TMEM150C: variants seen among roughly 807,000 people sequenced by gnomAD.
The protein encoded by TMEM150C is transmembrane protein 150C.
TMEM150C carries 10 observed loss-of-function variants against 29.9 expected under a neutral mutation model. The observed-to-expected ratio is 0.33, with a 90% CI of 0.21 to 0.57. The LOEUF is 0.57. TMEM150C is among the 20% of genes least tolerant of loss of function. TMEM150C has a pLI of 0.88. For missense variants in TMEM150C, 251 were observed against 303.6 expected, an observed-to-expected ratio of 0.83 and a Z score of 1.29; for synonymous variants, 101 against 112.5, an observed-to-expected ratio of 0.90 and a Z score of 0.64.
chr4:82,506,085 T>G (rs144891578), intron 1 of TMEM150C, among the ~76,000 whole-genome samples: 72 of 150,334 alleles, frequency 4.8e-4, no homozygotes, highest in African/African-American at 1.6e-3. Context: ...AAGTTGTTGT[T>G]TTTTTTTTAC....
chr4:82,554,540 T>C (rs979265052), intron 1 of TMEM150C, among the ~76,000 whole-genome samples: 1 of 152,202 alleles, frequency 6.6e-6, no homozygotes, highest in Non-Finnish European at 1.5e-5. Flanking sequence ...AACTTCTAAT[T>C]ATTGCCATTT....
chr4:82,522,776 G>A (rs978225273), intron 1 of TMEM150C, among the ~76,000 whole-genome samples: 1 of 152,122 alleles, frequency 6.6e-6, no homozygotes. Flanking sequence ...AGCTGGGTGG[G>A]GGGCTGTGGA....
Position 82,490,171 on chromosome 4 carries a change from C to A in TMEM150C, c.431G>T (p.Cys144Phe). ...GAGTGTCAGCGCAGCCTGGATCCAGCAGGTCAATGTGCCAAATCCAAAGGT... is the reference window on the plus strand; with the variant it reads ...GAGTGTCAGCGCAGCCTGGATCCAGAAGGTCAATGTGCCAAATCCAAAGGT... The part of the protein sequence containing the change: ...SLTFGFGTLT[C>F]WIQAALTLKV... The change falls in exon 7 of 8, where the codon TGC becomes TTC. Residue 144 changes from cysteine to phenylalanine, a missense_variant. Coordinates refer to ENST00000449862, the MANE Select transcript of TMEM150C (RefSeq NM_001080506.3). 1 of 1,614,000 alleles carries A rather than the reference C, an allele frequency of 6.2e-7. No individual in the cohort carries two copies. Among genetic ancestry groups the A allele is most frequent in the African/African-American group, 1.3e-5 (1 of 75,052 alleles).
At chr4:82,501,381 A>T (rs1723731972) in intron 5 of TMEM150C, among the ~76,000 whole-genome samples, 1 of 152,134 alleles carries the variant, frequency 6.6e-6, no homozygotes, top group Non-Finnish European at 1.5e-5. Context: ...CATAAAGAGG[A>T]GAGCTTTTTT....
At chr4:82,530,547 ACT>A (rs1724810146) in intron 1 of TMEM150C, among the ~76,000 whole-genome samples, 2 of 152,014 alleles carry the variant, frequency 1.3e-5, no homozygotes. Context: ...ACAAAGCGAG[ACT>A]CTGTCTCAAA....
chr4:82,488,805 G>A (rs1314416069), intron 7 of TMEM150C, among the ~76,000 whole-genome samples: 1 of 152,066 alleles, frequency 6.6e-6, no homozygotes, highest in African/African-American at 2.4e-5. Flanking sequence ...TTTTTATAGA[G>A]ACCAGGTTTT....
chr4:82,519,813 TA>T (rs1330083033), intron 1 of TMEM150C, among the ~76,000 whole-genome samples: 2 of 152,088 alleles, frequency 1.3e-5, no homozygotes, highest in African/African-American at 4.8e-5. Flanking sequence ...AATAATAAAA[TA>T]AAAAAATAGA....
chr4:82,512,449 C>T (rs940188548), intron 1 of TMEM150C, among the ~76,000 whole-genome samples: 2 of 152,212 alleles, frequency 1.3e-5, no homozygotes, highest in Admixed American at 6.5e-5. Flanking sequence ...CCAAAATCCA[C>T]TCTGTCTCCT....
chr4:82,540,114 C>CTTTTTTTTTTTT (rs577728662), intron 1 of TMEM150C, among the ~76,000 whole-genome samples: 6 of 47,252 alleles, frequency 1.3e-4, no homozygotes, highest in Non-Finnish European at 2.1e-4. Flanking sequence ...TCTACCTATT[C>CTTTTTTTTTTTT]TTTTTTTTTT....
chr4:82,521,977 C>T (rs1724502506), intron 1 of TMEM150C, among the ~76,000 whole-genome samples: 1 of 152,050 alleles, frequency 6.6e-6, no homozygotes, highest in Admixed American at 6.6e-5. Flanking sequence ...GTGGGAGAAT[C>T]GCTTGAACCT....
intron 7 of TMEM150C, among the ~76,000 whole-genome samples, chr4:82,486,788 A>G (rs1362075760): frequency 6.6e-6 from 1 of 151,992 alleles, no homozygotes; most frequent in African/African-American, 2.4e-5. Flanking sequence ...GCCTGGATAT[A>G]TATATGGAGT....
At chr4:82,527,348 T>A (rs1426137099) in intron 1 of TMEM150C, among the ~76,000 whole-genome samples, 1 of 152,180 alleles carries the variant, frequency 6.6e-6, no homozygotes, top group African/African-American at 2.4e-5. Context: ...GGGCAGGTGC[T>A]TTCACAGCTC....
intron 5 of TMEM150C, among the ~76,000 whole-genome samples, chr4:82,496,917 A>C (rs985843721): frequency 7.9e-5 from 12 of 152,244 alleles, no homozygotes; most frequent in Non-Finnish European, 1.5e-4. Context: ...TGAAATCTGT[A>C]TTTTAACATA....
chr4:82,538,316 C>T (rs1725078746), intron 1 of TMEM150C, among the ~76,000 whole-genome samples: 1 of 152,086 alleles, frequency 6.6e-6, no homozygotes, highest in Non-Finnish European at 1.5e-5. Context: ...TCTCAGTCTC[C>T]CAAAGTGCTG....
chr4:82,483,715 A>G lies in TMEM150C; in HGVS notation c.*1796T>C, dbSNP rs779827160. The G allele has an allele frequency of 2.6e-5, 4 of 152,206 alleles. No homozygotes were observed. The highest frequency in any genetic ancestry group is 5.9e-5 in the Non-Finnish European group (4 of 68,030). The allele number at this position is 152,206 out of a possible 1,614,324, so 9.4% of individuals were successfully genotyped here. A position where few individuals can be genotyped will look rare whatever the true frequency, so the allele number is the denominator to read the frequency against. ...GGCACTGTGTTAAGAGGTGGGGAACAATACAGAGATGAAAAGACATTGACC... is the reference window on the plus strand; with the variant it reads ...GGCACTGTGTTAAGAGGTGGGGAACGATACAGAGATGAAAAGACATTGACC... On this transcript the variant is annotated 3_prime_UTR_variant, in exon 8 of 8. Coordinates refer to ENST00000449862, the MANE Select transcript of TMEM150C (RefSeq NM_001080506.3).
intron 1 of TMEM150C, among the ~76,000 whole-genome samples, chr4:82,521,433 G>A (rs1168126742): frequency 6.6e-6 from 1 of 152,204 alleles, no homozygotes; most frequent in Non-Finnish European, 1.5e-5. Flanking sequence ...AAAAGCAGAA[G>A]CCTTGGCTAA....
In TMEM150C at chr4:82,502,636, G is replaced by GC. The variant is rs1031623496; in HGVS notation, c.235+90dup. 21 of 1,248,550 alleles carry GC rather than the reference G, an allele frequency of 1.7e-5. No homozygotes were observed. In the Middle Eastern group the frequency reaches 5.7e-4, roughly 34 times the overall value. 77.3% of individuals were successfully genotyped at this position (1,248,550 alleles called of 1,614,324 possible). A position where few individuals can be genotyped will look rare whatever the true frequency, so the allele number is the denominator to read the frequency against. ...CGTATGATACTAAATGATCAAATAAGCCCCCCATTGTTTTGACAAGGGTTT... is the reference window on the plus strand; with the variant it reads ...CGTATGATACTAAATGATCAAATAAGCCCCCCCATTGTTTTGACAAGGGTTT... On this transcript the variant is annotated intron_variant, in intron 5 of 7. Transcript: ENST00000449862.
At chr4:82,515,715 C>A (rs11723534) in intron 1 of TMEM150C, among the ~76,000 whole-genome samples, 1 of 149,330 alleles carries the variant, frequency 6.7e-6, no homozygotes, top group Non-Finnish European at 1.5e-5. Flanking sequence ...TCTGCCTGGG[C>A]GACAGAGTGA....
intron 1 of TMEM150C, among the ~76,000 whole-genome samples, chr4:82,509,129 G>A (rs1242101866): frequency 6.6e-6 from 1 of 152,132 alleles, no homozygotes; most frequent in Non-Finnish European, 1.5e-5. Flanking sequence ...CATTCCCTAA[G>A]TCTGAGTTAT....
Sources: gnomAD v4.1 joint callset for allele counts (sites outside exome capture counted in the v4.1 genomes callset) on GRCh38, gnomAD v4.1.1 for gene constraint, MANE v1.5 for transcripts, NCBI Gene and HGNC (gene_info 2026-07-23, HGNC 2026-07-21) for gene names.